BTRC: variants seen among roughly 807,000 people sequenced by gnomAD.
BTRC encodes the protein F-box/WD repeat-containing protein 1A.
In BTRC, 42 loss-of-function variants were observed where a neutral mutation model predicts 85.5. The observed-to-expected ratio is 0.49, with a 90% CI of 0.38 to 0.64. BTRC has a LOEUF of 0.64. Among genes scored for constraint, BTRC ranks in the 30% least tolerant of loss-of-function variants. The pLI, the probability that BTRC is intolerant of heterozygous loss-of-function variation, is 0.00. For missense variants in BTRC, 594 were observed against 743.5 expected (o/e 0.80, Z 2.34); for synonymous variants, 255 against 263.3 (o/e 0.97, Z 0.30).
At chr10:101,545,145 G>T (rs1163762594) in intron 13 of BTRC, among the ~76,000 whole-genome samples, 1 of 151,816 alleles carries the variant, frequency 6.6e-6, no homozygotes, top group Non-Finnish European at 1.5e-5. Flanking sequence ...CTGACTAGAA[G>T]TTGGAAGTCA....
Position 101,547,328 on chromosome 10 carries a change from CT to C in BTRC, c.1657-3345del, listed in dbSNP as rs71016332. On this transcript the variant is annotated intron_variant, in intron 13 of 14. Transcript: ENST00000370187. ...ATAAATAAGTAAATATATGGTTTTT[CT>C]TTTTTTTTTTTTTTTTTTTTTTTTT... is the stretch of plus-strand genomic sequence containing the variant. 9.5e-3 allele frequency among the ~76,000 whole-genome samples: 756 copies of C among 79,588 alleles called. 2 individuals are homozygous for C. The highest frequency in any genetic ancestry group is 0.041 in the East Asian group (99 of 2,428). The allele number at this position is 79,588 out of a possible 152,430, so 52.2% of individuals were successfully genotyped here. A position where few individuals can be genotyped will look rare whatever the true frequency, so the allele number is the denominator to read the frequency against.
intron 1 of BTRC, among the ~76,000 whole-genome samples, chr10:101,397,684 C>A (rs1943398076): frequency 6.6e-6 from 1 of 152,074 alleles, no homozygotes; most frequent in South Asian, 2.1e-4. Context: ...TTTCCTCTTT[C>A]CCCCATTTCT....
At chr10:101,455,983 A>AACATACACAC (rs1554881060) in intron 2 of BTRC, among the ~76,000 whole-genome samples, 4 of 96,000 alleles carry the variant, frequency 4.2e-5, no homozygotes, top group Non-Finnish European at 7.9e-5. Flanking sequence ...CTCTACTAAA[A>AACATACACAC]ACACACACAC....
At position 101,415,505 on chromosome 10, in the gene BTRC, T is replaced by TTTTGAGACA. The variant is rs1564758184; in HGVS notation, c.49-14840_49-14839insTTTGAGACA. ...TTTTATTTTATGTTATGTTATGTTA[T>TTTTGAGACA]GTTATGTTATGTTATGTTATGTTAT... On this transcript the variant is annotated intron_variant, in intron 1 of 14. Coordinates refer to ENST00000370187, the MANE Select transcript of BTRC (RefSeq NM_033637.4). 7.0e-4 allele frequency among the ~76,000 whole-genome samples: 3 copies of TTTTGAGACA among 4,270 alleles called. No homozygotes were observed. In the Non-Finnish European group the frequency reaches 7.2e-3, roughly 10 times the overall value. 2.8% of individuals were successfully genotyped at this position (4,270 alleles called of 152,430 possible). A position where few individuals can be genotyped will look rare whatever the true frequency, so the allele number is the denominator to read the frequency against.
intron 13 of BTRC, 125 bp from the exon 14 acceptor site, chr10:101,550,574 G>A (rs1589634159): frequency 9.2e-6 from 9 of 974,380 alleles, no homozygotes; most frequent in South Asian, 8.2e-5. Context: ...GAGCCACTGC[G>A]CCTGGCCTCT....
At chr10:101,526,840 AT>A (rs1343611372) in intron 6 of BTRC, among the ~76,000 whole-genome samples, 1 of 152,238 alleles carries the variant, frequency 6.6e-6, no homozygotes, top group Non-Finnish European at 1.5e-5. Flanking sequence ...GAAATTAAGT[AT>A]AAATCATTGT....
intron 4 of BTRC, among the ~76,000 whole-genome samples, chr10:101,497,620 C>G (rs928405108): frequency 1.3e-5 from 2 of 151,974 alleles, no homozygotes; most frequent in African/African-American, 2.4e-5. Flanking sequence ...GTGAGAAGAT[C>G]ACTTGAGCTT....
intron 5 of BTRC, 78 bp downstream of exon 5, chr10:101,521,948 T>C: frequency 1.8e-6 from 2 of 1,109,910 alleles, no homozygotes; most frequent in Non-Finnish European, 2.6e-6. Flanking sequence ...ATATCTCTCT[T>C]TAAAAGTCTT....
chr10:101,484,138 G>C (rs563564659), intron 4 of BTRC, among the ~76,000 whole-genome samples: 1 of 152,214 alleles, frequency 6.6e-6, no homozygotes, highest in East Asian at 1.9e-4. Context: ...CTGTATTTTA[G>C]TTGTTATTGG....
intron 4 of BTRC, among the ~76,000 whole-genome samples, chr10:101,510,403 C>T (rs974259827): frequency 1.3e-5 from 2 of 150,468 alleles, no homozygotes; most frequent in African/African-American, 4.9e-5. Context: ...CCAGCTACTC[C>T]GGAGGCTGAG....
chr10:101,370,175 T>C (rs1375728978), intron 1 of BTRC, among the ~76,000 whole-genome samples: 1 of 152,214 alleles, frequency 6.6e-6, no homozygotes, highest in East Asian at 1.9e-4. Flanking sequence ...TGCAGTGCAG[T>C]GGCACAATCA....
In BTRC at chr10:101,454,902, A is replaced by G. The variant is rs904758612; in HGVS notation, c.157-7079A>G. Reference sequence around the variant, plus strand: ...GTTGTGGGAAATAACTTGGTGTAATATAGTAGGGAATTCTGGATGGTCCTG... The same window carrying G: ...GTTGTGGGAAATAACTTGGTGTAATGTAGTAGGGAATTCTGGATGGTCCTG... On this transcript the variant is annotated intron_variant, in intron 2 of 14. Coordinates refer to ENST00000370187, the MANE Select transcript of BTRC (RefSeq NM_033637.4). Among the ~76,000 whole-genome samples, 9 of 152,150 alleles carry G rather than the reference A, an allele frequency of 5.9e-5. No individual in the cohort carries two copies. In the South Asian group the frequency reaches 1.0e-3, roughly 17 times the overall value.
chr10:101,422,153 G>A (rs994362519), intron 1 of BTRC, among the ~76,000 whole-genome samples: 2 of 152,128 alleles, frequency 1.3e-5, no homozygotes, highest in Middle Eastern at 3.2e-3. Flanking sequence ...ACTTTTTAAT[G>A]ATCACCATTC....
In BTRC at chr10:101,461,582, T is replaced by G. The variant is rs529756499; in HGVS notation, c.157-399T>G. On this transcript the variant is annotated intron_variant, in intron 2 of 14. Transcript: ENST00000370187. The stretch of plus-strand genomic sequence containing the variant: ...AAATAACTATTTTTAGGACCCAGAC[T>G]TGGAGATCTGTGCCAACCAAACATC... 2.6e-5 allele frequency among the ~76,000 whole-genome samples: 4 copies of G among 152,284 alleles called. 1 individual carries two copies. In the South Asian group the frequency reaches 6.2e-4, roughly 24 times the overall value.
intron 1 of BTRC, among the ~76,000 whole-genome samples, chr10:101,386,826 T>G (rs1943091502): frequency 6.6e-6 from 1 of 152,206 alleles, no homozygotes; most frequent in Non-Finnish European, 1.5e-5. Context: ...AGTACTTTTG[T>G]GATTTGTTTA....
intron 4 of BTRC, among the ~76,000 whole-genome samples, chr10:101,488,178 G>A (rs1946039323): frequency 6.6e-6 from 1 of 152,164 alleles, no homozygotes; most frequent in Non-Finnish European, 1.5e-5. Context: ...TTCCTTGCAA[G>A]TAACATGAGA....
chr10:101,443,697 G>C (rs180998525), intron 2 of BTRC, among the ~76,000 whole-genome samples: 21 of 152,258 alleles, frequency 1.4e-4, no homozygotes, highest in Admixed American at 1.1e-3. Context: ...TTGTGAGATT[G>C]AGGTACTTAG....
Position 101,479,468 on chromosome 10 carries a change from T to C in BTRC, c.324+11T>C, listed in dbSNP as rs977317311. On this transcript the variant is annotated intron_variant, in intron 4 of 14. Transcript: ENST00000370187. ...AATTGTGTGGCCAAAGTAAGTAATATTGCTCATCAATGTATATTACACCAC... is the reference window on the plus strand; with the variant it reads ...AATTGTGTGGCCAAAGTAAGTAATACTGCTCATCAATGTATATTACACCAC... 3.1e-6 allele frequency: 5 copies of C among 1,602,678 alleles called. No homozygotes were observed. The highest frequency in any genetic ancestry group is 4.3e-6 in the Non-Finnish European group (5 of 1,170,046).
chr10:101,542,972 G>T (rs563836850), intron 13 of BTRC, among the ~76,000 whole-genome samples: 1 of 152,206 alleles, frequency 6.6e-6, no homozygotes, highest in Non-Finnish European at 1.5e-5. Context: ...TGCCTCCTGG[G>T]TTCAAGCCAT....
Sources: allele counts gnomAD v4.1 joint callset (sites outside exome capture counted in the v4.1 genomes callset), GRCh38; gene constraint gnomAD v4.1.1; transcripts MANE v1.5; gene names NCBI Gene and HGNC (gene_info 2026-07-23, HGNC 2026-07-21).